ANK2: variants seen among roughly 807,000 people sequenced by gnomAD.
ANK2 encodes the protein ankyrin 2, also known as ankyrin-2.
A neutral mutation model predicts 360.5 loss-of-function variants in ANK2; 83 were observed. The ratio of observed to expected loss-of-function variants is 0.23; its 90% CI spans 0.19 to 0.28. ANK2 has a LOEUF of 0.28. Ranked by LOEUF, ANK2 falls within the 10% of genes least tolerant of loss-of-function variation. ANK2 has a pLI of 1.00. For synonymous variants in ANK2, 1,740 were observed against 1,759.5 expected (o/e 0.99, Z 0.28); for missense variants, 4,201 against 4,795.7 (o/e 0.88, Z 3.66).
the ANK2 span, among the ~76,000 whole-genome samples, chr4:112,805,426 C>T: frequency 2.0e-5 from 3 of 152,118 alleles, no homozygotes; most frequent in Non-Finnish European, 4.4e-5. Flanking sequence ...AGTCAGTCAA[C>T]AGATCATTTT....
the ANK2 span, among the ~76,000 whole-genome samples, chr4:112,764,398 C>T: frequency 2.6e-5 from 4 of 151,962 alleles, no homozygotes; most frequent in South Asian, 2.1e-4. Context: ...CGCAATGGCC[C>T]GATCTCGGCT....
At chr4:113,268,699 C>G (rs1409422757) in intron 14 of ANK2, among the ~76,000 whole-genome samples, 1 of 152,090 alleles carries the variant, frequency 6.6e-6, no homozygotes, top group African/African-American at 2.4e-5. Flanking sequence ...GGATATTGTC[C>G]TGAAATTTTC....
chr4:112,981,977 G>A (rs1268012514), intron 2 of ANK2, among the ~76,000 whole-genome samples: 1 of 152,110 alleles, frequency 6.6e-6, no homozygotes, highest in Non-Finnish European at 1.5e-5. Flanking sequence ...TCAACATGAT[G>A]TTTATAGAAG....
intron 1 of ANK2, among the ~76,000 whole-genome samples, chr4:113,081,990 G>C (rs2082580639): frequency 6.6e-6 from 1 of 152,006 alleles, no homozygotes; most frequent in Non-Finnish European, 1.5e-5. Context: ...TGTATTTTTA[G>C]TAGAGATGGG....
At chr4:113,196,796 C>T (rs755057031) in intron 3 of ANK2, among the ~76,000 whole-genome samples, 1 of 152,168 alleles carries the variant, frequency 6.6e-6, no homozygotes, top group Non-Finnish European at 1.5e-5. Flanking sequence ...GGATTATAGG[C>T]GTGAACCACC....
intron 1 of ANK2, among the ~76,000 whole-genome samples, chr4:113,063,946 T>G (rs565356497): frequency 1.1e-4 from 17 of 152,340 alleles, no homozygotes; most frequent in South Asian, 1.0e-3. Flanking sequence ...GGAAAGCTGA[T>G]TTTAAAATAA....
chr4:113,323,699 C>T (rs1242573276), intron 26 of ANK2: 8 of 1,518,864 alleles, frequency 5.3e-6, no homozygotes, highest in Admixed American at 1.8e-5. Flanking sequence ...TTCTGAGTTC[C>T]TTCCTTATAT....
chr4:113,131,218 C>A (rs2154377985), intron 1 of ANK2, among the ~76,000 whole-genome samples: 1 of 152,276 alleles, frequency 6.6e-6, no homozygotes. Context: ...GGCTGGCAAT[C>A]CTCTCTCATA....
intron 1 of ANK2, among the ~76,000 whole-genome samples, chr4:113,151,667 T>C (rs1046551701): frequency 1.3e-5 from 2 of 152,190 alleles, no homozygotes; most frequent in Admixed American, 6.5e-5. Flanking sequence ...GTATAAAATA[T>C]ATGTATAAAA....
chr4:113,165,293 A>G (rs1397804476), intron 1 of ANK2, among the ~76,000 whole-genome samples: 1 of 152,232 alleles, frequency 6.6e-6, no homozygotes, highest in East Asian at 1.9e-4. Flanking sequence ...ATTGAGAACT[A>G]TTTAGAATTC....
chr4:113,148,094 C>G (rs1173861505), intron 1 of ANK2, among the ~76,000 whole-genome samples: 1 of 152,120 alleles, frequency 6.6e-6, no homozygotes, highest in African/African-American at 2.4e-5. Flanking sequence ...TCAGCAAGGC[C>G]TTGTTAGGGT....
At chr4:112,762,247 A>G in the ANK2 span, among the ~76,000 whole-genome samples, 1 of 152,254 alleles carries the variant, frequency 6.6e-6, no homozygotes, top group Non-Finnish European at 1.5e-5. Flanking sequence ...TATTGGATTA[A>G]ATAAATCATT....
chr4:113,293,085 A>G (rs1361300479), intron 21 of ANK2: 1 of 383,974 alleles, frequency 2.6e-6, no homozygotes, highest in Non-Finnish European at 5.0e-6. Context: ...CTGATGAGGG[A>G]TAAGTGTACC....
At chr4:113,173,066 A>G (rs2098047224) in intron 1 of ANK2, among the ~76,000 whole-genome samples, 1 of 152,242 alleles carries the variant, frequency 6.6e-6, no homozygotes, top group Admixed American at 6.5e-5. Context: ...CTAAAGAATC[A>G]GGGCATGAAT....
At chr4:113,192,089 G>T (rs1306456728) in intron 2 of ANK2, among the ~76,000 whole-genome samples, 3 of 152,108 alleles carry the variant, frequency 2.0e-5, no homozygotes, top group Non-Finnish European at 2.9e-5. Flanking sequence ...TTTACTTTAA[G>T]TTCTGGGATA....
At chr4:113,160,857 A>G (rs1340643788) in intron 1 of ANK2, among the ~76,000 whole-genome samples, 1 of 152,128 alleles carries the variant, frequency 6.6e-6, no homozygotes, top group African/African-American at 2.4e-5. Flanking sequence ...GGTGTTGGGG[A>G]CCCCGGAATA....
At chr4:112,939,805 G>A (rs1422416647) in intron 2 of ANK2, among the ~76,000 whole-genome samples, 1 of 152,074 alleles carries the variant, frequency 6.6e-6, no homozygotes, top group African/African-American at 2.4e-5. Context: ...CTTCTTAGGT[G>A]TTTGCCTGTT....
At chr4:113,371,476 A>G (rs966907262) in intron 43 of ANK2, among the ~76,000 whole-genome samples, 7 of 152,242 alleles carry the variant, frequency 4.6e-5, no homozygotes, top group Non-Finnish European at 8.8e-5. Flanking sequence ...AGGCTTAGTG[A>G]AGTTAGACTT....
intron 1 of ANK2, among the ~76,000 whole-genome samples, chr4:113,153,738 G>A (rs1484346383): frequency 6.6e-6 from 1 of 152,136 alleles, no homozygotes. Flanking sequence ...CTCCCAAAGT[G>A]TACTCTGTGA....
Sources: allele counts gnomAD v4.1 joint callset (sites outside exome capture counted in the v4.1 genomes callset), GRCh38; gene constraint gnomAD v4.1.1; transcripts MANE v1.5; gene names NCBI Gene and HGNC (gene_info 2026-07-23, HGNC 2026-07-21).